SLC4A7: variants seen among roughly 807,000 people sequenced by gnomAD.
The protein encoded by SLC4A7 is sodium bicarbonate cotransporter 3.
In SLC4A7, 51 loss-of-function variants were observed where a neutral mutation model predicts 137.6. The observed-to-expected ratio is 0.37, with a 90% confidence interval of 0.30 to 0.47. The LOEUF (loss-of-function observed/expected upper bound fraction) is 0.47, where lower values mean the gene tolerates loss of function less well. Among genes scored for constraint, SLC4A7 ranks in the 20% least tolerant of loss-of-function variants. The probability of loss-of-function intolerance (pLI) is 1.00; values close to 1 mark genes in which losing one functional copy is unlikely to be tolerated. For missense variants in SLC4A7, 1,247 were observed against 1,525.4 expected (o/e 0.82, Z 3.04); for synonymous variants, 542 against 518.6 (o/e 1.05, Z -0.61).
intron 7 of SLC4A7, chr3:27,424,379 C>T: frequency 3.0e-6 from 1 of 334,680 alleles, no homozygotes; most frequent in Non-Finnish European, 5.3e-6. Context: ...TTAGAATTTA[C>T]AAAAATTGTG....
intron 3 of SLC4A7, among the ~76,000 whole-genome samples, chr3:27,446,869 T>A (rs7623547): frequency 1.3e-5 from 1 of 77,736 alleles, no homozygotes; most frequent in Non-Finnish European, 2.8e-5. Context: ...AGTAGAGTTT[T>A]TTTTTGTTTT....
At chr3:27,431,737 A>C (rs888642007) in intron 6 of SLC4A7, 68 bp from the exon 7 acceptor site, 1 of 1,459,472 alleles carries the variant, frequency 6.9e-7, no homozygotes, top group Non-Finnish European at 9.1e-7. Flanking sequence ...ACATTTAAAA[A>C]AAAATCAATT....
At chr3:27,466,218 G>A (rs1002889284) in intron 1 of SLC4A7, among the ~76,000 whole-genome samples, 2 of 151,638 alleles carry the variant, frequency 1.3e-5, no homozygotes, top group South Asian at 2.1e-4. Context: ...TTGGGAGGCC[G>A]AGGCGGGCGG....
At chr3:27,440,150 C>A (rs2150433526) in intron 3 of SLC4A7, among the ~76,000 whole-genome samples, 1 of 152,246 alleles carries the variant, frequency 6.6e-6, no homozygotes, top group African/African-American at 2.4e-5. Context: ...TCTTACAGTT[C>A]TGGATACCAG....
Position 27,375,035 on chromosome 3 carries a change from A to G in SLC4A7, c.*1729T>C, listed in dbSNP as rs1328181952. 6.6e-6 allele frequency: 1 copy of G among 152,184 alleles called. No homozygotes were observed. The highest frequency in any genetic ancestry group is 2.4e-5 in the African/African-American group (1 of 41,462). The allele number at this position is 152,184 out of a possible 1,614,324, so 9.4% of individuals were successfully genotyped here. On this transcript the variant is annotated 3_prime_UTR_variant, in exon 26 of 26. Transcript: ENST00000454389. ...ACATATTTTCTAAAGAAAAGCAGCT[A>G]CATTTCCAACCTCTCATCCGAGGCA...
intron 1 of SLC4A7, among the ~76,000 whole-genome samples, chr3:27,469,365 C>G (rs957635383): frequency 6.6e-6 from 1 of 152,076 alleles, no homozygotes; most frequent in Non-Finnish European, 1.5e-5. Flanking sequence ...GCTCAGTCAC[C>G]AAGACTCTTC....
chr3:27,403,191 C>G lies in SLC4A7; in HGVS notation c.2269G>C (p.Glu757Gln). Residue 757 changes from glutamate to glutamine, a missense_variant, in exon 15 of 26, where the codon GAA becomes CAA. Around this residue, in one of 6 missense-constraint regions of SLC4A7, gnomAD observed 499 missense variants for 664.2 expected, o/e 0.75. Coordinates refer to ENST00000454389, the MANE Select transcript of SLC4A7 (RefSeq NM_001321103.2). ...TTGTGCATATTAAATGCATATGTTTCTCCTAAATCAAAGAGCTTCTCCAAA... is the reference window on the plus strand; with the variant it reads ...TTGTGCATATTAAATGCATATGTTTGTCCTAAATCAAAGAGCTTCTCCAAA... ...EALEKLFDLG[E>Q]TYAFNMHNNL... The G allele has an allele frequency of 6.2e-7, 1 of 1,613,712 alleles. No homozygotes were observed. Among genetic ancestry groups the G allele is most frequent in the Non-Finnish European group, 8.5e-7 (1 of 1,179,866 alleles).
chr3:27,409,252 G>C (rs995649150), intron 13 of SLC4A7, 104 bp downstream of exon 13: 11 of 889,874 alleles, frequency 1.2e-5, no homozygotes, highest in Non-Finnish European at 1.8e-5. Context: ...TAATCATGCT[G>C]TGGGTAGACT....
intron 11 of SLC4A7, 119 bp from the exon 12 acceptor site, chr3:27,411,867 G>T (rs1228116177): frequency 4.8e-6 from 2 of 420,458 alleles, no homozygotes; most frequent in Non-Finnish European, 4.2e-6. Flanking sequence ...AGTTCTCCTA[G>T]AAAAGAATGG....
chr3:27,424,180 G>GT (rs761664570), intron 7 of SLC4A7, 28 bp from the exon 8 acceptor site: 1 of 1,215,004 alleles, frequency 8.2e-7, no homozygotes, highest in Non-Finnish European at 1.2e-6. Context: ...TTCCAAATTA[G>GT]TAAGGAGAAA....
At chr3:27,377,010 G>A (rs1317670399) in intron 25 of SLC4A7, among the ~76,000 whole-genome samples, 165 bp from the exon 26 acceptor site, 2 of 151,944 alleles carry the variant, frequency 1.3e-5, no homozygotes, top group African/African-American at 4.8e-5. Context: ...AACTGGAAAA[G>A]CAAATATTAA....
At chr3:27,377,251 T>C (rs1476344286) in intron 25 of SLC4A7, among the ~76,000 whole-genome samples, 3 of 152,112 alleles carry the variant, frequency 2.0e-5, no homozygotes, top group African/African-American at 7.2e-5. Flanking sequence ...TCCAAGAAGG[T>C]TATAAATTTA....
intron 22 of SLC4A7, among the ~76,000 whole-genome samples, chr3:27,388,630 C>G (rs1173774181): frequency 6.6e-6 from 1 of 152,060 alleles, no homozygotes; most frequent in East Asian, 1.9e-4. Flanking sequence ...ACCATAGCAC[C>G]TGAGTTAAAT....
At chr3:27,380,482 T>C (rs911819972) in intron 24 of SLC4A7, among the ~76,000 whole-genome samples, 8 of 152,162 alleles carry the variant, frequency 5.3e-5, no homozygotes, top group Non-Finnish European at 1.2e-4. Flanking sequence ...GAAAGTATCA[T>C]AAAGTTAATA....
intron 23 of SLC4A7, among the ~76,000 whole-genome samples, chr3:27,385,371 A>C (rs964989716): frequency 6.6e-6 from 1 of 152,208 alleles, no homozygotes; most frequent in Admixed American, 6.5e-5. Context: ...GTACACAGTA[A>C]GTGCATATAA....
intron 1 of SLC4A7, among the ~76,000 whole-genome samples, chr3:27,467,615 C>G (rs561216947): frequency 6.6e-6 from 1 of 152,290 alleles, no homozygotes; most frequent in Admixed American, 6.5e-5. Context: ...CACTTTAAAA[C>G]ATATGTTTCA....
At chr3:27,380,250 T>G (rs1004627376) in intron 24 of SLC4A7, among the ~76,000 whole-genome samples, 9 of 148,054 alleles carry the variant, frequency 6.1e-5, no homozygotes, top group African/African-American at 2.3e-4. Context: ...GAGGTTGTAG[T>G]GAGTCGAGAT....
intron 24 of SLC4A7, 110 bp downstream of exon 24, chr3:27,383,042 AT>A (rs2050579813): frequency 1.4e-6 from 1 of 695,132 alleles, no homozygotes; most frequent in Non-Finnish European, 2.5e-6. Flanking sequence ...CCATATGCAG[AT>A]TGTATCATCT....
At chr3:27,440,900 C>A (rs1030400730) in intron 3 of SLC4A7, among the ~76,000 whole-genome samples, 2 of 151,960 alleles carry the variant, frequency 1.3e-5, no homozygotes, top group African/African-American at 4.8e-5. Flanking sequence ...CAAAAATTAG[C>A]CAGCCATGAT....
Sources: allele counts gnomAD v4.1 joint callset (sites outside exome capture counted in the v4.1 genomes callset), GRCh38; gene constraint gnomAD v4.1.1; regional missense constraint gnomAD v4.1.1; transcripts MANE v1.5; gene names NCBI Gene and HGNC (gene_info 2026-07-23, HGNC 2026-07-21).